Variants in GRID2 observed in about 807,000 individuals in gnomAD.
The protein encoded by GRID2 is glutamate receptor ionotropic, delta-2.
A neutral mutation model predicts 114.8 loss-of-function variants in GRID2; 33 were observed. That is an observed-to-expected ratio of 0.29 (90% CI 0.22 to 0.38). GRID2 has a LOEUF of 0.38. Ranked by LOEUF, GRID2 falls within the 10% of genes least tolerant of loss-of-function variation. The pLI, the probability that GRID2 is intolerant of heterozygous loss-of-function variation, is 1.00. For missense variants in GRID2, 1,184 were observed against 1,257.7 expected (o/e 0.94, Z 0.89); for synonymous variants, 505 against 449.9 (o/e 1.12, Z -1.55).
At chr4:93,063,711 T>C (rs1728007458) in intron 2 of GRID2, among the ~76,000 whole-genome samples, 1 of 151,854 alleles carries the variant, frequency 6.6e-6, no homozygotes, top group South Asian at 2.1e-4. Flanking sequence ...ATAACTGGAA[T>C]CAGAGCTTAC....
chr4:92,765,942 C>T (rs1717325010), intron 2 of GRID2, among the ~76,000 whole-genome samples: 1 of 152,098 alleles, frequency 6.6e-6, no homozygotes, highest in Non-Finnish European at 1.5e-5. Context: ...CAGGAGAGAG[C>T]TTTTATTTTG....
intron 8 of GRID2, among the ~76,000 whole-genome samples, chr4:93,274,930 A>G (rs1056314197): frequency 6.6e-6 from 1 of 152,080 alleles, no homozygotes; most frequent in Non-Finnish European, 1.5e-5. Context: ...ATCAAATACC[A>G]TAAAGTTTAT....
At chr4:93,633,669 A>G (rs1421370018) in intron 14 of GRID2, among the ~76,000 whole-genome samples, 1 of 152,066 alleles carries the variant, frequency 6.6e-6, no homozygotes, top group Non-Finnish European at 1.5e-5. Context: ...TGGTTTCTAT[A>G]ATTTTTCATC....
intron 13 of GRID2, among the ~76,000 whole-genome samples, chr4:93,591,926 G>A (rs995534422): frequency 2.8e-4 from 43 of 151,868 alleles, no homozygotes; most frequent in African/African-American, 8.5e-4. Context: ...TTTTTATTGC[G>A]TCTATTTGAT....
At chr4:92,347,904 C>G (rs1328845776) in intron 1 of GRID2, among the ~76,000 whole-genome samples, 2 of 152,034 alleles carry the variant, frequency 1.3e-5, no homozygotes, top group Non-Finnish European at 2.9e-5. Context: ...ATGAAATAAG[C>G]TAATCATCTC....
In GRID2 at chr4:93,351,934, A is replaced by G. The variant is rs144917245; in HGVS notation, c.1246-43673A>G. 9.1e-3 allele frequency among the ~76,000 whole-genome samples: 1,386 copies of G among 152,138 alleles called. 14 individuals are homozygous for G. The highest frequency in any genetic ancestry group is 0.032 in the African/African-American group (1,310 of 41,548). On this transcript the variant is annotated intron_variant, in intron 8 of 15. Transcript: ENST00000282020. ...ATCATAACAACATTAACAGCTCCCA[A>G]TGGAGGAGTGTCTCTCATATGCCTT...
intron 2 of GRID2, among the ~76,000 whole-genome samples, chr4:92,949,209 A>C (rs1048969736): frequency 4.6e-5 from 7 of 151,810 alleles, no homozygotes; most frequent in Non-Finnish European, 1.0e-4. Context: ...GTAGCTTCTA[A>C]AATTTTGAGA....
chr4:93,508,161 A>G (rs959839561), intron 12 of GRID2, among the ~76,000 whole-genome samples: 1 of 151,596 alleles, frequency 6.6e-6, no homozygotes, highest in African/African-American at 2.4e-5. Context: ...GTATAATATA[A>G]TAAAATAAAA....
At chr4:92,818,034 C>A (rs944585767) in intron 2 of GRID2, among the ~76,000 whole-genome samples, 3 of 152,028 alleles carry the variant, frequency 2.0e-5, no homozygotes, top group African/African-American at 7.2e-5. Flanking sequence ...GTGTGTGAAA[C>A]CTTTTGTGAC....
chr4:93,012,528 T>C lies in GRID2; in HGVS notation c.245-72467T>C, dbSNP rs541945408. Among the ~76,000 whole-genome samples the C allele has an allele frequency of 1.4e-3, 211 of 152,200 alleles. 1 individual carries two copies. The highest frequency in any genetic ancestry group is 4.9e-3 in the African/African-American group (203 of 41,556). On this transcript the variant is annotated intron_variant, in intron 2 of 15. Coordinates refer to ENST00000282020, the MANE Select transcript of GRID2 (RefSeq NM_001510.4). Reference sequence around the variant, plus strand: ...GCATTTGATAGGTGGTGGTAGCTTATTGCCACATCATGATGGATGATGTGT... The same window carrying C: ...GCATTTGATAGGTGGTGGTAGCTTACTGCCACATCATGATGGATGATGTGT...
chr4:93,123,761 T>C (rs907777774), intron 4 of GRID2, among the ~76,000 whole-genome samples: 3 of 152,196 alleles, frequency 2.0e-5, no homozygotes, highest in Non-Finnish European at 2.9e-5. Flanking sequence ...ATCAAAACTT[T>C]ATTGTTCTGC....
At chr4:92,879,948 A>G (rs1292460929) in intron 2 of GRID2, among the ~76,000 whole-genome samples, 6 of 152,214 alleles carry the variant, frequency 3.9e-5, no homozygotes, top group Non-Finnish European at 5.9e-5. Context: ...CTTAAATATA[A>G]GAATAAAAGA....
intron 4 of GRID2, among the ~76,000 whole-genome samples, chr4:93,194,908 C>T (rs948386046): frequency 1.2e-4 from 18 of 152,088 alleles, no homozygotes; most frequent in Admixed American, 6.6e-4. Flanking sequence ...GTGATTATAA[C>T]GTATGCTAAA....
intron 1 of GRID2, among the ~76,000 whole-genome samples, chr4:92,410,254 T>C (rs1162600482): frequency 1.3e-5 from 2 of 152,188 alleles, no homozygotes; most frequent in Non-Finnish European, 2.9e-5. Flanking sequence ...TTCATTAGGC[T>C]TCTTCCCATG....
intron 14 of GRID2, among the ~76,000 whole-genome samples, chr4:93,663,949 C>G (rs1422522842): frequency 6.6e-6 from 1 of 152,030 alleles, no homozygotes; most frequent in East Asian, 1.9e-4. Context: ...TTTTATGGAA[C>G]CTGGATTCTA....
At chr4:93,136,276 G>T in intron 4 of GRID2, among the ~76,000 whole-genome samples, 1 of 126,918 alleles carries the variant, frequency 7.9e-6, no homozygotes, top group Non-Finnish European at 1.7e-5. Flanking sequence ...GTGTGTGTGT[G>T]TGTTTAATTA....
rs141297100 is a variant in GRID2 at position 92,361,644 on chromosome 4, G to A, written c.88+56900G>A. On this transcript the variant is annotated intron_variant, in intron 1 of 15. Transcript: ENST00000282020. The stretch of plus-strand genomic sequence containing the variant: ...TCAGAGGAAGTAGGTTGTGATGGGG[G>A]AAGGTTGGAAAGGTAGTTGCGAGGG... Among the ~76,000 whole-genome samples the A allele has an allele frequency of 4.3e-4, 66 of 152,094 alleles. No individual in the cohort carries two copies. The East Asian group carries it at 8.6e-3, about 20-fold the overall frequency.
At chr4:93,801,578 G>A (rs1459399734) in intron 1 of GRID2, among the ~76,000 whole-genome samples, 1 of 152,026 alleles carries the variant, frequency 6.6e-6, no homozygotes, top group Non-Finnish European at 1.5e-5. Context: ...CTCCTTCTAT[G>A]TAGACTTTCT....
At position 92,858,819 on chromosome 4, in the gene GRID2, A is replaced by C. The variant is rs748987150; in HGVS notation, c.245-226176A>C. ...TAATCCGCCTGCCTCAGCCTCCCAA[A>C]GTGCTGGGATTACAGGCGTGAGCAC... On this transcript the variant is annotated intron_variant, in intron 2 of 15. Transcript: ENST00000282020. 3.3e-5 allele frequency among the ~76,000 whole-genome samples: 5 copies of C among 152,000 alleles called. 1 individual carries two copies. The highest frequency in any genetic ancestry group is 7.4e-5 in the Non-Finnish European group (5 of 67,994).
Sources: gnomAD v4.1 joint callset for allele counts (sites outside exome capture counted in the v4.1 genomes callset) on GRCh38, gnomAD v4.1.1 for gene constraint, MANE v1.5 for transcripts, NCBI Gene and HGNC (gene_info 2026-07-23, HGNC 2026-07-21) for gene names.